Variants in FYN observed in about 807,000 individuals in gnomAD.
FYN encodes FYN proto-oncogene, Src family tyrosine kinase, also known as tyrosine-protein kinase Fyn.
A neutral mutation model predicts 70.2 loss-of-function variants in FYN; 10 were observed. The ratio of observed to expected loss-of-function variants is 0.14; its 90% confidence interval spans 0.09 to 0.24. The LOEUF (loss-of-function observed/expected upper bound fraction) is 0.24. Among genes scored for constraint, FYN ranks in the 10% least tolerant of loss-of-function variants. The pLI is 1.00. For missense variants in FYN, 319 were observed against 673.1 expected (o/e 0.47, Z 5.82); for synonymous variants, 236 against 248.6 (o/e 0.95, Z 0.48).
Position 111,815,348 on chromosome 6 carries a change from T to C in FYN, c.-82+31241A>G, listed in dbSNP as rs576912244. On this transcript the variant is annotated intron_variant, in intron 2 of 13. Coordinates refer to ENST00000354650, the MANE Select transcript of FYN (RefSeq NM_002037.5). ...TCTGATTGCATAACAAGCAGGAGAT[T>C]TGAACAATGAATTAGGAGGAACTGA... is the stretch of plus-strand genomic sequence containing the variant. Among the ~76,000 whole-genome samples the C allele has an allele frequency of 2.0e-5, 3 of 152,292 alleles. No individual in the cohort carries two copies. In the East Asian group the frequency reaches 5.8e-4, roughly 29 times the overall value.
chr6:111,812,081 A>G (rs1772343090), intron 2 of FYN, among the ~76,000 whole-genome samples: 1 of 152,216 alleles, frequency 6.6e-6, no homozygotes, highest in Admixed American at 6.5e-5. Context: ...ATTTGGCCCA[A>G]GGGTAGCCTT....
chr6:111,854,460 G>A (rs1773769759), intron 1 of FYN, among the ~76,000 whole-genome samples: 1 of 152,208 alleles, frequency 6.6e-6, no homozygotes, highest in Non-Finnish European at 1.5e-5. Context: ...GACACTAGAT[G>A]TGCTGACCAT....
intron 12 of FYN, among the ~76,000 whole-genome samples, chr6:111,680,373 T>C (rs1482073635): frequency 6.6e-6 from 1 of 152,170 alleles, no homozygotes; most frequent in African/African-American, 2.4e-5. Flanking sequence ...TACAATAAAG[T>C]GCTATGAAGA....
At chr6:111,701,661 A>G (rs1280260038) in intron 8 of FYN, among the ~76,000 whole-genome samples, 1 of 152,182 alleles carries the variant, frequency 6.6e-6, no homozygotes. Context: ...AGTATTTTCA[A>G]ATGATCCAAA....
Position 111,807,197 on chromosome 6 carries a change from A to G in FYN, c.-81-26562T>C, listed in dbSNP as rs569811444. Among the ~76,000 whole-genome samples the G allele has an allele frequency of 2.0e-5, 3 of 152,282 alleles. No individual in the cohort carries two copies. The East Asian group carries it at 5.8e-4, about 29-fold the overall frequency. ...TGTAGGAAAACAGTGTCTTGTATTT[A>G]GTTACATTTCATATCTTGAGTTGTA... On this transcript the variant is annotated intron_variant, in intron 2 of 13. Transcript: ENST00000354650.
chr6:111,719,587 A>T, intron 4 of FYN: 1 of 534,648 alleles, frequency 1.9e-6, no homozygotes, highest in Non-Finnish European at 3.3e-6. Flanking sequence ...CTCAGAAAGC[A>T]GCAACTTGGG....
At chr6:111,817,513 A>G (rs2114344717) in intron 2 of FYN, among the ~76,000 whole-genome samples, 1 of 152,336 alleles carries the variant, frequency 6.6e-6, no homozygotes, top group East Asian at 1.9e-4. Flanking sequence ...TATCCCACTG[A>G]AAAAAGAATC....
At chr6:111,770,784 C>T (rs1803419377) in intron 3 of FYN, among the ~76,000 whole-genome samples, 3 of 152,238 alleles carry the variant, frequency 2.0e-5, no homozygotes, top group South Asian at 2.1e-4. Flanking sequence ...GGTGTCCTCA[C>T]TTTGGAAGAA....
intron 2 of FYN, among the ~76,000 whole-genome samples, chr6:111,821,771 C>T (rs1772671044): frequency 6.6e-6 from 1 of 152,066 alleles, no homozygotes; most frequent in Admixed American, 6.5e-5. Context: ...CTACAAAGAA[C>T]TCAAACAAAT....
intron 3 of FYN, among the ~76,000 whole-genome samples, chr6:111,775,869 G>A (rs146782955): frequency 1.3e-5 from 2 of 152,294 alleles, no homozygotes; most frequent in East Asian, 1.9e-4. Context: ...AGGGCTCTCT[G>A]GTGGGATTCT....
chr6:111,738,449 G>C (rs547655319), intron 3 of FYN, among the ~76,000 whole-genome samples: 7 of 152,234 alleles, frequency 4.6e-5, no homozygotes, highest in Non-Finnish European at 8.8e-5. Context: ...CATGGCTGCA[G>C]CCAGGCAAAG....
chr6:111,734,794 C>T (rs76547961), intron 3 of FYN, among the ~76,000 whole-genome samples: 3,157 of 152,342 alleles, frequency 0.021, 44 homozygotes, highest in Non-Finnish European at 0.032. Context: ...TTTCTCTGCA[C>T]ATACCCTTTT....
intron 12 of FYN, among the ~76,000 whole-genome samples, chr6:111,684,006 G>A (rs1798885655): frequency 6.6e-6 from 1 of 152,196 alleles, no homozygotes; most frequent in South Asian, 2.1e-4. Context: ...GTTATCCCCG[G>A]TGACGCACTC....
At chr6:111,776,506 C>A (rs948106041) in intron 3 of FYN, among the ~76,000 whole-genome samples, 2 of 152,162 alleles carry the variant, frequency 1.3e-5, no homozygotes, top group African/African-American at 4.8e-5. Flanking sequence ...TCTTCCATTT[C>A]TCTGGCTTTC....
chr6:111,686,818 G>A (rs1799027541), intron 12 of FYN, among the ~76,000 whole-genome samples: 1 of 152,220 alleles, frequency 6.6e-6, no homozygotes, highest in Admixed American at 6.5e-5. Context: ...CGGATTACAG[G>A]GGCCTCAGAA....
intron 3 of FYN, among the ~76,000 whole-genome samples, chr6:111,768,713 T>A (rs896738035): frequency 6.6e-6 from 1 of 152,140 alleles, no homozygotes; most frequent in Non-Finnish European, 1.5e-5. Context: ...CCTTTTCTCA[T>A]CCCCAGGCCC....
chr6:111,870,459 T>C (rs1774238549), intron 1 of FYN, among the ~76,000 whole-genome samples: 1 of 152,248 alleles, frequency 6.6e-6, no homozygotes, highest in Non-Finnish European at 1.5e-5. Flanking sequence ...CCTGCTAACA[T>C]TAGCCTAATT....
intron 3 of FYN, among the ~76,000 whole-genome samples, chr6:111,745,258 T>C (rs1219687967): frequency 6.6e-6 from 1 of 152,156 alleles, no homozygotes; most frequent in Non-Finnish European, 1.5e-5. Flanking sequence ...GTCCAGCCCA[T>C]GGGAGAAGGC....
intron 2 of FYN, among the ~76,000 whole-genome samples, chr6:111,802,147 G>C (rs1772006457): frequency 6.6e-6 from 1 of 152,064 alleles, no homozygotes; most frequent in African/African-American, 2.4e-5. Context: ...TGGATCATGG[G>C]GGCAGATGTC....
Sources: gnomAD v4.1 joint callset for allele counts (sites outside exome capture counted in the v4.1 genomes callset) on GRCh38, gnomAD v4.1.1 for gene constraint, MANE v1.5 for transcripts, NCBI Gene and HGNC (gene_info 2026-07-23, HGNC 2026-07-21) for gene names.